The following MED24 variants were observed in gnomAD, a reference collection of about 807,000 sequenced individuals.
MED24 encodes mediator complex subunit 24, also known as mediator of RNA polymerase II transcription subunit 24.
A neutral mutation model predicts 118.8 loss-of-function variants in MED24; 74 were observed. The observed-to-expected ratio is 0.62, with a 90% CI of 0.52 to 0.76. The LOEUF (loss-of-function observed/expected upper bound fraction) is 0.76, where lower values mean the gene tolerates loss of function less well. Ranked by LOEUF, MED24 falls within the 30% of genes least tolerant of loss-of-function variation. The pLI, the probability that MED24 is intolerant of heterozygous loss-of-function variation, is 0.00. For synonymous variants in MED24, 521 were observed against 523.9 expected, an observed-to-expected ratio of 0.99 and a Z score of 0.08; for missense variants, 1,041 against 1,278.9, an observed-to-expected ratio of 0.81 and a Z score of 2.84.
intron 5 of MED24, 34 bp from the exon 6 acceptor site, chr17:40,035,383 T>G: frequency 1.9e-6 from 3 of 1,539,832 alleles, no homozygotes; most frequent in Non-Finnish European, 2.6e-6. Flanking sequence ...GACTCTGTTC[T>G]TCCAATGGCT....
chr17:40,033,197 C>T lies in MED24; in HGVS notation c.681G>A (p.Thr227=), dbSNP rs201351813. Residue 227 remains threonine (T), a synonymous_variant, in exon 8 of 26, where the codon ACG becomes ACA. Transcript: ENST00000394128. This position sits in a 1 kb window ranked among gnomAD's most constrained non-coding sequence, Gnocchi z 5.2. ...TCTGCTCCGCATGCACAGACAGCAT[C>T]GTGGGGATGCTGAGGGGTCACAAAC... is the stretch of plus-strand genomic sequence containing the variant. The part of the protein sequence containing the change: ...QCGTLIRSIP[T]MLSVHAEQMH... The T allele has an allele frequency of 2.4e-5, 38 of 1,613,924 alleles. No homozygotes were observed. Among genetic ancestry groups the T allele is most frequent in the Middle Eastern group, 1.6e-4 (1 of 6,062 alleles).
rs200148168 is a variant in MED24, at chr17:40,022,062, G to A, written c.2524-8C>T. 3.5e-4 allele frequency: 555 copies of A among 1,585,674 alleles called. No individual in the cohort carries two copies. Among genetic ancestry groups the A allele is most frequent in the South Asian group, 1.7e-3 (151 of 87,924 alleles). On this transcript the variant is annotated splice_polypyrimidine_tract_variant and splice_region_variant and intron_variant, in intron 22 of 25. Transcript: ENST00000394128. ...GAAGAGGCTGATATAATCCTAGAGGGAGTGAAAGTCACTGTTATACACCCC... is the reference window on the plus strand; with the variant it reads ...GAAGAGGCTGATATAATCCTAGAGGAAGTGAAAGTCACTGTTATACACCCC...
intron 3 of MED24, among the ~76,000 whole-genome samples, chr17:40,046,573 G>T (rs926705024): frequency 1.4e-5 from 2 of 147,472 alleles, no homozygotes; most frequent in African/African-American, 5.0e-5. Context: ...GTGAAACCCC[G>T]TCTCTACTAA....
At position 40,053,328 on chromosome 17, in the gene MED24, C is replaced by T; in HGVS notation, c.183G>A (p.Leu61=). The change falls in exon 3 of 26, where the codon TTG becomes TTA. Residue 61 remains leucine, a synonymous_variant. Coordinates refer to ENST00000394128, the MANE Select transcript of MED24 (RefSeq NM_014815.4). ...MIGPSPNPLI[L]SYLKYAISSQ... The stretch of plus-strand genomic sequence containing the variant: ...AACTAATGGCATACTTCAGGTAGGA[C>T]AAGATGAGAGGATTGGGGGATGGTC... 6.2e-7 allele frequency: 1 copy of T among 1,612,126 alleles called. No homozygotes were observed. The highest frequency in any genetic ancestry group is 8.5e-7 in the Non-Finnish European group (1 of 1,178,760).
rs763089601 is a variant in MED24 at position 40,053,498 on chromosome 17, C to T, written c.101G>A (p.Gly34Glu). The T allele has an allele frequency of 1.2e-6, 2 of 1,614,182 alleles. No homozygotes were observed. The highest frequency in any genetic ancestry group is 2.2e-5 in the South Asian group (2 of 91,090). The change falls in exon 2 of 26, where the codon GGA becomes GAA. Residue 34 changes from glycine (G) to glutamate (E), a missense_variant. By Grantham distance (98) the Gly-to-Glu change is moderately conservative. Around this residue, in one of 3 missense-constraint regions of MED24, gnomAD observed 434 missense variants for 514.9 expected, o/e 0.84. Transcript: ENST00000394128. ...AINMKKFFPK[G>E]ATWDILNLAD... ...CAGGTTGAGAATATCCCAGGTGGCT[C>T]CTTTAGGAAAGAATTTCTTCATGTT...
At chr17:40,052,710 T>C (rs1001005155) in intron 3 of MED24, among the ~76,000 whole-genome samples, 5 of 151,324 alleles carry the variant, frequency 3.3e-5, no homozygotes, top group African/African-American at 1.2e-4. Flanking sequence ...CAAGCAAGCC[T>C]CCTACCTCCA....
At chr17:40,027,271 G>A in intron 16 of MED24, 112 bp downstream of exon 16, 1 of 1,296,194 alleles carries the variant, frequency 7.7e-7, no homozygotes, top group Non-Finnish European at 1.1e-6. Context: ...GGTTTCTGAG[G>A]CCCACAGAAC....
chr17:40,019,608 G>A lies in MED24; in HGVS notation c.2891C>T (p.Pro964Leu). ...GTCCGTGATGGCCAGAACCACCTTG[G>A]GGCTGGACATGGCTGACACCTTCAC... Reference protein sequence around the residue: ...ELVKVSAMSSPKVVLAITDLS... With the variant: ...ELVKVSAMSSLKVVLAITDLS... Residue 964 changes from proline to leucine, a missense_variant, in exon 26 of 26, where the codon CCC (proline) becomes CTC (leucine). Physicochemically the swap from Pro to Leu is moderately conservative, Grantham distance 98. Transcript: ENST00000394128. The A allele has an allele frequency of 6.2e-7, 1 of 1,608,312 alleles. No individual in the cohort carries two copies. The highest frequency in any genetic ancestry group is 2.2e-5 in the East Asian group (1 of 44,788).
chr17:40,026,568 C>T, intron 18 of MED24, 79 bp downstream of exon 18: 3 of 1,371,630 alleles, frequency 2.2e-6, no homozygotes, highest in Non-Finnish European at 2.0e-6. Flanking sequence ...GGTCTTCTTG[C>T]CCTTACGAAA....
chr17:40,030,396 A>G (rs1249435524), intron 12 of MED24, among the ~76,000 whole-genome samples: 5 of 152,000 alleles, frequency 3.3e-5, no homozygotes, highest in Non-Finnish European at 7.4e-5. Context: ...TCCGGGTTCA[A>G]GTGATTCTCC....
chr17:40,023,853 C>T (rs573929550), intron 19 of MED24, among the ~76,000 whole-genome samples: 2 of 152,284 alleles, frequency 1.3e-5, no homozygotes, highest in African/African-American at 2.4e-5. Context: ...GGACTCTTCC[C>T]GGCCCCTGGT....
Position 40,035,266 on chromosome 17 carries a change from G to A in MED24, c.410C>T (p.Ala137Val). The A allele has an allele frequency of 5.6e-6, 9 of 1,613,778 alleles. No homozygotes were observed. Among genetic ancestry groups the A allele is most frequent in the Non-Finnish European group, 6.8e-6 (8 of 1,179,890 alleles). The change falls in exon 6 of 26, where the codon GCC becomes GTC. Residue 137 changes from alanine (A) to valine (V), a missense_variant. By Grantham distance (64) the Ala-to-Val change is moderately conservative. Coordinates refer to ENST00000394128, the MANE Select transcript of MED24 (RefSeq NM_014815.4). The part of the protein sequence containing the change: ...ALHWLLRCTA[A>V]SAERLREGLE... ...CCCCTCCCGCAGCCGCTCTGCAGAG[G>A]CTGCCGTGCAGCGCAGCAGCCAGTG...
intron 3 of MED24, among the ~76,000 whole-genome samples, chr17:40,052,313 C>A (rs571246781): frequency 1.3e-5 from 2 of 152,216 alleles, no homozygotes; most frequent in East Asian, 3.9e-4. Context: ...AGGTAGATGA[C>A]CTTTGGCAAG....
In MED24 at chr17:40,020,346, T is replaced by C. The variant is rs755199620; in HGVS notation, c.2631A>G (p.Arg877=). The part of the protein sequence containing the change: ...DANILSSPTD[R]SMSSSLSASQ... ...AGGCTGAGAGGGAGCTGCTCATGGA[T>C]CGGTCTGCTGTGGGACGGAGCAGAT... is the stretch of plus-strand genomic sequence containing the variant. The change falls in exon 24 of 26, where the codon CGA becomes CGG. Residue 877 remains arginine, a synonymous_variant. Transcript: ENST00000394128. 6.3e-7 allele frequency: 1 copy of C among 1,597,742 alleles called. No homozygotes were observed. The highest frequency in any genetic ancestry group is 1.3e-5 in the African/African-American group (1 of 74,816).
intron 3 of MED24, among the ~76,000 whole-genome samples, chr17:40,052,152 G>A (rs1472787005): frequency 2.0e-5 from 3 of 151,946 alleles, no homozygotes; most frequent in Non-Finnish European, 4.4e-5. Flanking sequence ...AATTAGCCAG[G>A]CGTGATGGCA....
At chr17:40,028,129 T>G in intron 14 of MED24, 183 bp from the exon 15 acceptor site, 1 of 623,920 alleles carries the variant, frequency 1.6e-6, no homozygotes, top group Non-Finnish European at 2.7e-6. Flanking sequence ...TTTTTTGTTT[T>G]TTTTGAGAAA....
In MED24 at chr17:40,019,371, G is replaced by A. The variant is rs1598325713; in HGVS notation, c.*158C>T. 1.5e-6 allele frequency: 1 copy of A among 656,130 alleles called. No individual in the cohort carries two copies. The highest frequency in any genetic ancestry group is 2.7e-5 in the East Asian group (1 of 36,764). The allele number at this position is 656,130 out of a possible 1,614,324, so 40.6% of individuals were successfully genotyped here. ...AGAAGAAACCGGGAGACATCCTGGA[G>A]GTCAGGAGTCAGGAGCGGGGAACTG... On this transcript the variant is annotated 3_prime_UTR_variant, in exon 26 of 26. Transcript: ENST00000394128.
chr17:40,039,339 G>A (rs1441477025), intron 3 of MED24, among the ~76,000 whole-genome samples: 1 of 152,068 alleles, frequency 6.6e-6, no homozygotes, highest in Non-Finnish European at 1.5e-5. Context: ...ACCACCACAG[G>A]CCCCCAGGGC....
chr17:40,038,903 C>T (rs867707415), intron 3 of MED24, among the ~76,000 whole-genome samples: 3 of 152,178 alleles, frequency 2.0e-5, no homozygotes, highest in Admixed American at 6.6e-5. Flanking sequence ...AACCACCATA[C>T]TGTGAGGCCA....
Sources: allele counts gnomAD v4.1 joint callset (sites outside exome capture counted in the v4.1 genomes callset), GRCh38; gene constraint gnomAD v4.1.1; regional missense constraint gnomAD v4.1.1; non-coding constraint Gnocchi (gnomAD v3.1); transcripts MANE v1.5; gene names NCBI Gene and HGNC (gene_info 2026-07-23, HGNC 2026-07-21).